The following POU2F2 variants were observed in gnomAD, a reference collection of about 807,000 sequenced individuals.
The protein encoded by POU2F2 is POU class 2 homeobox 2.
POU2F2 carries 14 observed loss-of-function variants against 63.5 expected under a neutral mutation model. The ratio of observed to expected loss-of-function variants is 0.22; its 90% CI spans 0.15 to 0.34. The LOEUF (loss-of-function observed/expected upper bound fraction) is 0.34, where lower values mean the gene tolerates loss of function less well. Ranked by LOEUF, POU2F2 falls within the 10% of genes least tolerant of loss-of-function variation. The pLI is 1.00. For synonymous variants in POU2F2, 306 were observed against 348.6 expected (o/e 0.88, Z 1.36); for missense variants, 607 against 815.2 (o/e 0.74, Z 3.11).
At chr19:42,138,793 G>C (rs2034069304) in intron 2 of POU2F2, among the ~76,000 whole-genome samples, 1 of 152,156 alleles carries the variant, frequency 6.6e-6, no homozygotes, top group Non-Finnish European at 1.5e-5. Flanking sequence ...AGTGAGAAGG[G>C]AAGCAGGGGG....
intron 2 of POU2F2, among the ~76,000 whole-genome samples, chr19:42,145,096 T>C (rs559590928): frequency 6.6e-6 from 1 of 152,372 alleles, no homozygotes; most frequent in African/African-American, 2.4e-5. Context: ...TTTTACTTTA[T>C]AGTTGAATGA....
chr19:42,157,226 G>T (rs770117758), intron 2 of POU2F2: 1 of 152,322 alleles, frequency 6.6e-6, no homozygotes, highest in African/African-American at 2.4e-5. Flanking sequence ...CCATCCACTC[G>T]AAATGTAACT....
Position 42,153,348 on chromosome 19 carries a change from C to T in POU2F2, c.-9+6984G>A, listed in dbSNP as rs1316763572. On this transcript the variant is annotated intron_variant, in intron 2 of 6. Coordinates refer to the POU2F2 transcript ENST00000524801. This position sits in a 1 kb window ranked among gnomAD's most constrained non-coding sequence, Gnocchi z 5.6. The stretch of plus-strand genomic sequence containing the variant: ...TGCACTTCCATGAGTGTTTCCCTGA[C>T]GCTAAGTCTCTGTCTGTCCCTTGGG... Among the ~76,000 whole-genome samples the T allele has an allele frequency of 6.6e-5, 10 of 152,142 alleles. No homozygotes were observed. Among genetic ancestry groups the T allele is most frequent in the South Asian group, 4.1e-4 (2 of 4,824 alleles).
intron 2 of POU2F2, among the ~76,000 whole-genome samples, chr19:42,142,481 T>C (rs1420594169): frequency 1.3e-5 from 2 of 152,128 alleles, no homozygotes; most frequent in Non-Finnish European, 2.9e-5. Flanking sequence ...TGAGCCACTG[T>C]GCCCGGCCAG....
chr19:42,097,386 G>A (rs1395986120), intron 7 of POU2F2, among the ~76,000 whole-genome samples: 4 of 151,812 alleles, frequency 2.6e-5, no homozygotes, highest in African/African-American at 9.7e-5. Flanking sequence ...TAGTAGAGAT[G>A]GGGTTTCTTC....
At chr19:42,195,399 C>G (rs1453642185) in intron 1 of POU2F2, among the ~76,000 whole-genome samples, 3 of 134,916 alleles carry the variant, frequency 2.2e-5, no homozygotes, top group African/African-American at 5.6e-5. Flanking sequence ...GTGGCGCAAT[C>G]TCGGCTCACG....
intron 5 of POU2F2, among the ~76,000 whole-genome samples, chr19:42,112,114 A>G (rs1187076532): frequency 6.6e-6 from 1 of 152,256 alleles, no homozygotes. Context: ...CCCAGGAACC[A>G]GTGGGAGCAA....
intron 14 of POU2F2, 28 bp downstream of exon 14, chr19:42,091,839 G>C: frequency 3.2e-6 from 5 of 1,539,420 alleles, no homozygotes; most frequent in Non-Finnish European, 4.4e-6. Context: ...GGCTGGTGAC[G>C]ATGGGTGTGA....
chr19:42,194,310 A>G (rs2035105361), intron 1 of POU2F2, among the ~76,000 whole-genome samples: 1 of 152,116 alleles, frequency 6.6e-6, no homozygotes, highest in South Asian at 2.1e-4. Flanking sequence ...TGAGCCCAGG[A>G]GTTTGAGGTT....
chr19:42,134,045 C>T (rs1308026032), upstream of POU2F2, among the ~76,000 whole-genome samples: 1 of 152,206 alleles, frequency 6.6e-6, no homozygotes, highest in Non-Finnish European at 1.5e-5. Flanking sequence ...AGGAGATCCA[C>T]AGACCACACA....
At chr19:42,163,519 T>C (rs2034591981) in intron 1 of POU2F2, among the ~76,000 whole-genome samples, 1 of 151,798 alleles carries the variant, frequency 6.6e-6, no homozygotes, top group Admixed American at 6.6e-5. Flanking sequence ...CTCTGGGGCC[T>C]GGAAGAGGGT....
chr19:42,116,704 C>A, intron 5 of POU2F2: 1 of 324,148 alleles, frequency 3.1e-6, no homozygotes, highest in Admixed American at 4.2e-5. Context: ...AGTGGCTGCC[C>A]TTACCTGTGC....
chr19:42,103,696 C>CATCT (rs1379747127), intron 5 of POU2F2, among the ~76,000 whole-genome samples: 2 of 142,048 alleles, frequency 1.4e-5, no homozygotes, highest in African/African-American at 2.7e-5. Flanking sequence ...GCAGTGGCAC[C>CATCT]ATCTCGGCTC....
chr19:42,191,083 A>AAG (rs1358662124), intron 1 of POU2F2, among the ~76,000 whole-genome samples: 1 of 151,908 alleles, frequency 6.6e-6, no homozygotes, highest in Non-Finnish European at 1.5e-5. Context: ...CAAAAAAAAA[A>AAG]AAAAAAAAGG....
intron 2 of POU2F2, among the ~76,000 whole-genome samples, chr19:42,154,942 C>A (rs2034429049): frequency 6.6e-6 from 1 of 152,176 alleles, no homozygotes; most frequent in Non-Finnish European, 1.5e-5. Context: ...GGGACCTGAT[C>A]ACATGGGTAG....
intron 1 of POU2F2, among the ~76,000 whole-genome samples, chr19:42,192,881 T>A (rs900419218): frequency 6.6e-6 from 1 of 152,264 alleles, no homozygotes; most frequent in African/African-American, 2.4e-5. Context: ...AGTAAACTGG[T>A]ACTGACACTT....
At chr19:42,114,040 G>A (rs2031510784) in intron 5 of POU2F2, among the ~76,000 whole-genome samples, 1 of 152,178 alleles carries the variant, frequency 6.6e-6, no homozygotes, top group Non-Finnish European at 1.5e-5. Context: ...GACAGAAAGG[G>A]AAAGATCAGA....
At chr19:42,131,718 C>T (rs868167882) in intron 1 of POU2F2, among the ~76,000 whole-genome samples, 3 of 152,126 alleles carry the variant, frequency 2.0e-5, no homozygotes, top group African/African-American at 7.2e-5. Flanking sequence ...AGCAGTGATA[C>T]GTGCCGTGAA....
intron 4 of POU2F2, 89 bp downstream of exon 4, chr19:42,122,037 G>GCT: frequency 7.5e-7 from 1 of 1,342,232 alleles, no homozygotes; most frequent in South Asian, 1.2e-5. Flanking sequence ...AAGGCTCAGT[G>GCT]CTCTCTCAGC....
Sources: gnomAD v4.1 joint callset for allele counts (sites outside exome capture counted in the v4.1 genomes callset) on GRCh38, gnomAD v4.1.1 for gene constraint, Gnocchi (gnomAD v3.1) non-coding constraint, MANE v1.5 for transcripts, NCBI Gene and HGNC (gene_info 2026-07-23, HGNC 2026-07-21) for gene names.